The following UGT1A9 variants were observed in gnomAD, a reference collection of about 807,000 sequenced individuals.
UGT1A9 encodes UDP glucuronosyltransferase family 1 member A9.
Under a neutral mutation model 45.0 loss-of-function variants are expected in UGT1A9, and 35 were observed. The ratio of observed to expected loss-of-function variants is 0.78; its 90% confidence interval spans 0.59 to 1.03. UGT1A9 has a LOEUF of 1.03. Ranked by LOEUF, UGT1A9 falls within the 50% of genes least tolerant of loss-of-function variation. The pLI is 0.00. For synonymous variants in UGT1A9, 278 were observed against 250.6 expected, an observed-to-expected ratio of 1.11 and a Z score of -1.03; for missense variants, 687 against 666.6, an observed-to-expected ratio of 1.03 and a Z score of -0.34.
chr2:233,723,457 G>A (rs1279798549), intron 1 of UGT1A9, among the ~76,000 whole-genome samples: 3 of 136,216 alleles, frequency 2.2e-5, no homozygotes, highest in African/African-American at 5.8e-5. Context: ...TGATCCACCC[G>A]CCTCAGCCTC....
rs547291485 is a variant in UGT1A9, at chr2:233,711,384, G to C, written c.855+38595G>C. 6.2e-3 allele frequency among the ~76,000 whole-genome samples: 952 copies of C among 152,360 alleles called. 6 individuals carry two copies. Among genetic ancestry groups the C allele is most frequent in the Non-Finnish European group, 0.012 (789 of 68,018 alleles). ...TGAATGTGGTGAGAGCACCCTCCCA[G>C]GTGTGTTCCACCCTCACCCCGGGCT... On this transcript the variant is annotated intron_variant, in intron 1 of 4. Transcript: ENST00000354728.
intron 1 of UGT1A9, among the ~76,000 whole-genome samples, chr2:233,766,658 C>A (rs1575821914): frequency 6.6e-6 from 1 of 152,166 alleles, no homozygotes; most frequent in Admixed American, 6.5e-5. Flanking sequence ...AAAGGGACCA[C>A]GCCCTTCCCA....
In UGT1A9 at chr2:233,695,130, CTT is replaced by C. The variant is rs71398796; in HGVS notation, c.855+22354_855+22355del. Among the ~76,000 whole-genome samples, 42 of 138,814 alleles carry C rather than the reference CTT, an allele frequency of 3.0e-4. 1 individual carries two copies. Among genetic ancestry groups the C allele is most frequent in the Middle Eastern group, 3.8e-3 (1 of 264 alleles). The allele number at this position is 138,814 out of a possible 152,430, so 91.1% of individuals were successfully genotyped here. A position where few individuals can be genotyped will look rare whatever the true frequency, so the allele number is the denominator to read the frequency against. Reference sequence around the variant, plus strand: ...GCCCATTAACCAACCCTTTTCTTTTCTTTTTTTTTTTTTTGAGACAGAGTCTC... The same window carrying C: ...GCCCATTAACCAACCCTTTTCTTTTCTTTTTTTTTTTTGAGACAGAGTCTC... On this transcript the variant is annotated intron_variant, in intron 1 of 4. Coordinates refer to ENST00000354728, the MANE Select transcript of UGT1A9 (RefSeq NM_021027.3).
chr2:233,695,421 GCCT>G (rs1300912174), intron 1 of UGT1A9, among the ~76,000 whole-genome samples: 1 of 136,992 alleles, frequency 7.3e-6, no homozygotes, highest in Non-Finnish European at 1.6e-5. Context: ...ACCGCGCCCG[GCCT>G]TCTTCTTCTT....
intron 1 of UGT1A9, among the ~76,000 whole-genome samples, chr2:233,681,071 A>G (rs1238474354): frequency 6.6e-6 from 1 of 151,484 alleles, no homozygotes; most frequent in Non-Finnish European, 1.5e-5. Flanking sequence ...CTGTGTCACA[A>G]TTGTGGCTCA....
At chr2:233,673,715 C>T (rs2074264100) in intron 1 of UGT1A9, among the ~76,000 whole-genome samples, 1 of 152,100 alleles carries the variant, frequency 6.6e-6, no homozygotes. Context: ...CTATTGGGTA[C>T]AGGACAATTT....
In UGT1A9 at chr2:233,772,556, T is replaced by C; in HGVS notation, c.1590T>C (p.His530=). ...AGAAAGCCCACAAATCCAAGACCCA[T>C]TGAGAAGTGGGTGGGAAATAAGGTA... is the stretch of plus-strand genomic sequence containing the variant. ...RVKKAHKSKT[H] The change falls in exon 5 of 5, where the codon CAT becomes CAC. Residue 530 remains histidine, a synonymous_variant. Transcript: ENST00000354728. 2.5e-6 allele frequency: 4 copies of C among 1,613,872 alleles called. No homozygotes were observed. The highest frequency in any genetic ancestry group is 2.7e-5 in the African/African-American group (2 of 75,014).
intron 1 of UGT1A9, among the ~76,000 whole-genome samples, chr2:233,697,029 G>T (rs561369376): frequency 6.6e-6 from 1 of 152,092 alleles, no homozygotes; most frequent in South Asian, 2.1e-4. Context: ...ATATGGGCCC[G>T]CAGTTTTCTT....
At chr2:233,755,761 TG>T (rs1696013090) in intron 1 of UGT1A9, 1 of 152,946 alleles carries the variant, frequency 6.5e-6, no homozygotes, top group South Asian at 2.1e-4. Flanking sequence ...CATTTGCTTT[TG>T]TTCATCTGGA....
At chr2:233,738,256 C>A (rs775163628) in intron 1 of UGT1A9, among the ~76,000 whole-genome samples, 10 of 152,180 alleles carry the variant, frequency 6.6e-5, no homozygotes, top group Non-Finnish European at 1.0e-4. Context: ...GAACTGGAGT[C>A]AATTAAAGCT....
rs1204267098 is a variant in UGT1A9 at position 233,693,294 on chromosome 2, A to G, written c.855+20505A>G. The stretch of plus-strand genomic sequence containing the variant: ...AACCGTTACCAATCATTTGGAAACA[A>G]TCACTTTGCTGAGCGATCATTCCTA... On this transcript the variant is annotated intron_variant, in intron 1 of 4. Transcript: ENST00000354728. The G allele has an allele frequency of 5.0e-6, 8 of 1,614,086 alleles. No individual in the cohort carries two copies. In the Middle Eastern group the frequency reaches 6.6e-4, roughly 133 times the overall value.
chr2:233,714,291 C>T (rs1156698569), intron 1 of UGT1A9, among the ~76,000 whole-genome samples: 1 of 152,082 alleles, frequency 6.6e-6, no homozygotes, highest in African/African-American at 2.4e-5. Flanking sequence ...TTTAGTGGTC[C>T]CATCTTGCAA....
intron 1 of UGT1A9, among the ~76,000 whole-genome samples, chr2:233,697,199 A>T (rs1410890710): frequency 1.3e-5 from 2 of 152,084 alleles, no homozygotes; most frequent in Admixed American, 6.5e-5. Context: ...CAGTGAATCC[A>T]TCTGGTCCTG....
intron 1 of UGT1A9, chr2:233,694,017 T>G: frequency 1.4e-6 from 2 of 1,382,468 alleles, no homozygotes; most frequent in Non-Finnish European, 9.8e-7. Context: ...CGGGAACACA[T>G]AGGAGACCTG....
intron 1 of UGT1A9, chr2:233,690,690 T>A (rs959108318): frequency 1.6e-6 from 2 of 1,249,564 alleles, no homozygotes; most frequent in African/African-American, 3.1e-5. Flanking sequence ...CCAGCGGAGC[T>A]ACTCTTTAGG....
In UGT1A9 at chr2:233,691,755, T is replaced by A. The variant is rs144640470; in HGVS notation, c.855+18966T>A. The A allele has an allele frequency of 5.1e-3, 2,691 of 530,206 alleles. 14 individuals are homozygous for A. The highest frequency in any genetic ancestry group is 6.1e-3 in the Non-Finnish European group (2,529 of 413,718). 32.8% of individuals were successfully genotyped at this position (530,206 alleles called of 1,614,324 possible). A position where few individuals can be genotyped will look rare whatever the true frequency, so the allele number is the denominator to read the frequency against. On this transcript the variant is annotated intron_variant, in intron 1 of 4. Coordinates refer to ENST00000354728, the MANE Select transcript of UGT1A9 (RefSeq NM_021027.3). Reference sequence around the variant, plus strand: ...AGAAGCAGATACCAGGCTTTCTGACTCCTGCTCTAGGATTCTCACCACGTA... The same window carrying A: ...AGAAGCAGATACCAGGCTTTCTGACACCTGCTCTAGGATTCTCACCACGTA...
At chr2:233,677,380 T>C (rs2074389038) in intron 1 of UGT1A9, among the ~76,000 whole-genome samples, 1 of 152,188 alleles carries the variant, frequency 6.6e-6, no homozygotes, top group South Asian at 2.1e-4. Context: ...CCGTGTGTAG[T>C]AGAAAATCCG....
chr2:233,700,061 G>T (rs2075540552), intron 1 of UGT1A9, among the ~76,000 whole-genome samples: 1 of 152,200 alleles, frequency 6.6e-6, no homozygotes, highest in South Asian at 2.1e-4. Context: ...TGAATCCAGT[G>T]GTGTCTACCC....
At chr2:233,680,354 A>G (rs966045404) in intron 1 of UGT1A9, among the ~76,000 whole-genome samples, 1 of 152,212 alleles carries the variant, frequency 6.6e-6, no homozygotes, top group African/African-American at 2.4e-5. Context: ...GTCATATCAC[A>G]TGCATTTAGG....
Sources: allele counts gnomAD v4.1 joint callset (sites outside exome capture counted in the v4.1 genomes callset), GRCh38; gene constraint gnomAD v4.1.1; transcripts MANE v1.5; gene names NCBI Gene and HGNC (gene_info 2026-07-23, HGNC 2026-07-21).